The following AADACL4 variants were observed in gnomAD, a reference collection of about 807,000 sequenced individuals.
AADACL4 encodes the protein arylacetamide deacetylase like 4, also known as arylacetamide deacetylase-like 4.
A neutral mutation model predicts 14.1 loss-of-function variants in AADACL4; 9 were observed. The ratio of observed to expected loss-of-function variants is 0.64; its 90% CI spans 0.39 to 1.12. AADACL4 has a LOEUF of 1.12. AADACL4 is among the 50% of genes most tolerant of loss of function. The pLI, the probability that AADACL4 is intolerant of heterozygous loss-of-function variation, is 0.01. For missense variants in AADACL4, 531 were observed against 516.1 expected (o/e 1.03, Z -0.28); for synonymous variants, 188 against 201.6 (o/e 0.93, Z 0.57).
In AADACL4 at chr1:12,644,459, AGGC is replaced by A. The variant is rs879699611; in HGVS notation, c.-85_-83del. 26,871 of 1,441,556 alleles carry A rather than the reference AGGC, an allele frequency of 0.019. 585 individuals are homozygous for A. Among genetic ancestry groups the A allele is most frequent in the South Asian group, 0.075 (5,760 of 76,924 alleles). 89.3% of individuals were successfully genotyped at this position (1,441,556 alleles called of 1,614,324 possible). On this transcript the variant is annotated 5_prime_UTR_variant, in exon 1 of 4. Transcript: ENST00000376221. The stretch of plus-strand genomic sequence containing the variant: ...TAGCCCAGAGAGAGTGAGGTGGAGG[AGGC>A]GGAGGGTGTAACCCAGCCAGGTCCT...
intron 1 of AADACL4, among the ~76,000 whole-genome samples, chr1:12,645,060 C>T (rs1647101845): frequency 6.8e-6 from 1 of 147,942 alleles, no homozygotes; most frequent in Non-Finnish European, 1.5e-5. Flanking sequence ...TTCCCTCCCT[C>T]CCTTCCTTCC....
intron 1 of AADACL4, among the ~76,000 whole-genome samples, chr1:12,645,767 C>T (rs1456961938): frequency 1.3e-5 from 2 of 152,168 alleles, no homozygotes; most frequent in Non-Finnish European, 2.9e-5. Context: ...TGGTCTAGAA[C>T]TCCTGGGCTC....
At position 12,666,608 on chromosome 1, in the gene AADACL4, G is replaced by A. The variant is rs376400654; in HGVS notation, c.1097G>A (p.Arg366His). Residue 366 changes from arginine to histidine, a missense_variant, in exon 4 of 4, where the codon CGC (arginine) becomes CAC (histidine). Transcript: ENST00000376221. ...YKKRLEDQGVRVTWYHLYDGF... is the reference protein window; with the variant it reads ...YKKRLEDQGVHVTWYHLYDGF... ...AAGCGCTTGGAGGACCAGGGGGTCC[G>A]CGTGACATGGTACCACCTGTATGAT... 8.2e-5 allele frequency: 132 copies of A among 1,614,180 alleles called. No individual in the cohort carries two copies. Among genetic ancestry groups the A allele is most frequent in the African/African-American group, 5.9e-4 (44 of 75,036 alleles).
chr1:12,645,808 T>A (rs1343979943), intron 1 of AADACL4, among the ~76,000 whole-genome samples: 1 of 152,212 alleles, frequency 6.6e-6, no homozygotes, highest in Non-Finnish European at 1.5e-5. Flanking sequence ...CCTCCCAAAG[T>A]GTAGGGATTG....
intron 1 of AADACL4, among the ~76,000 whole-genome samples, chr1:12,644,933 C>T (rs1329685241): frequency 2.0e-5 from 3 of 149,128 alleles, no homozygotes; most frequent in Non-Finnish European, 4.5e-5. Context: ...CTTCCTCTCT[C>T]CCTCCCTTCC....
chr1:12,655,308 C>T (rs898654177), intron 2 of AADACL4, among the ~76,000 whole-genome samples: 1 of 152,016 alleles, frequency 6.6e-6, no homozygotes, highest in African/African-American at 2.4e-5. Context: ...GAGTCAATTA[C>T]GAAATTAATA....
chr1:12,663,049 C>A (rs1557552537), intron 3 of AADACL4, among the ~76,000 whole-genome samples: 1 of 152,180 alleles, frequency 6.6e-6, no homozygotes, highest in Non-Finnish European at 1.5e-5. Flanking sequence ...TAGAGTGGCT[C>A]ATGGAGCTGC....
chr1:12,650,457 C>T (rs542429033), intron 1 of AADACL4, among the ~76,000 whole-genome samples: 1 of 152,070 alleles, frequency 6.6e-6, no homozygotes, highest in Non-Finnish European at 1.5e-5. Context: ...TCTTTGCATC[C>T]CAGGCTGGGG....
At chr1:12,654,146 T>C (rs2100762111) in intron 2 of AADACL4, among the ~76,000 whole-genome samples, 1 of 152,258 alleles carries the variant, frequency 6.6e-6, no homozygotes, top group East Asian at 1.9e-4. Flanking sequence ...AACCAATTGG[T>C]GTCTCCCAGT....
chr1:12,653,351 A>G (rs1454394200), intron 2 of AADACL4, among the ~76,000 whole-genome samples: 2 of 152,250 alleles, frequency 1.3e-5, no homozygotes, highest in African/African-American at 2.4e-5. Context: ...GCAAGGACCC[A>G]AGATCAGAAG....
At chr1:12,655,333 G>A (rs896536850) in intron 2 of AADACL4, among the ~76,000 whole-genome samples, 8 of 152,076 alleles carry the variant, frequency 5.3e-5, no homozygotes, top group African/African-American at 1.9e-4. Flanking sequence ...TACCAGCCAT[G>A]TCAAGAGTCA....
chr1:12,651,437 G>A, intron 2 of AADACL4, 98 bp downstream of exon 2: 1 of 1,279,782 alleles, frequency 7.8e-7, no homozygotes, highest in Non-Finnish European at 1.1e-6. Flanking sequence ...GTAGCTTAAA[G>A]GAATCAGTTG....
chr1:12,663,442 T>G (rs2246520), intron 3 of AADACL4, among the ~76,000 whole-genome samples: 1 of 151,966 alleles, frequency 6.6e-6, no homozygotes, highest in African/African-American at 2.4e-5. Context: ...AGCTCTCTAA[T>G]GCCTCCTTCA....
chr1:12,651,352 C>T lies in AADACL4; in HGVS notation c.385+13C>T, dbSNP rs374486525. 5 of 1,613,360 alleles carry T rather than the reference C, an allele frequency of 3.1e-6. No homozygotes were observed. The African/African-American group carries it at 6.7e-5, about 22-fold the overall frequency. ...TTTGGGAGCCTGGGTAAGGGGCTTCCCTGTGGCTTTGTAGAGGAAGGGCCT... is the reference window on the plus strand; with the variant it reads ...TTTGGGAGCCTGGGTAAGGGGCTTCTCTGTGGCTTTGTAGAGGAAGGGCCT... On this transcript the variant is annotated intron_variant, in intron 2 of 3. Coordinates refer to ENST00000376221, the MANE Select transcript of AADACL4 (RefSeq NM_001013630.2).
rs775140951 is a variant in AADACL4 at position 12,666,227 on chromosome 1, A to G, written c.716A>G (p.Gln239Arg). 124 of 1,614,138 alleles carry G rather than the reference A, an allele frequency of 7.7e-5. 1 individual carries two copies. In the South Asian group the frequency reaches 1.4e-3, roughly 18 times the overall value. ...CAGTTGCCATCCTTTCAGCAGAACC[A>G]AAATGTCCCATTACTTTCCCGGAAG... Reference protein sequence around the residue: ...CLQLPSFQQNQNVPLLSRKFM... With the variant: ...CLQLPSFQQNRNVPLLSRKFM... The change falls in exon 4 of 4, where the codon CAA becomes CGA. Residue 239 changes from glutamine (Q) to arginine (R), a missense_variant. Coordinates refer to ENST00000376221, the MANE Select transcript of AADACL4 (RefSeq NM_001013630.2).
At position 12,646,904 on chromosome 1, in the gene AADACL4, G is replaced by T. The variant is rs76937532; in HGVS notation, c.168+2190G>T. On this transcript the variant is annotated intron_variant, in intron 1 of 3. Transcript: ENST00000376221. ...TAGTGAATGTTCATTCGGTTCCAGA[G>T]GACAGATAGACAACACAGGAACAAG... 3.3e-3 allele frequency among the ~76,000 whole-genome samples: 495 copies of T among 152,122 alleles called. 3 individuals are homozygous for T. Among genetic ancestry groups the T allele is most frequent in the African/African-American group, 0.011 (472 of 41,500 alleles).
rs1474740506 is a variant in AADACL4 at position 12,665,944 on chromosome 1, C to G, written c.450-17C>G. On this transcript the variant is annotated splice_polypyrimidine_tract_variant and intron_variant, in intron 3 of 3. Transcript: ENST00000376221. Reference sequence around the variant, plus strand: ...CTGTCCACACTGGTGTAGTGTTGCTCCCTGTTTTCGTTTTAGGTACCGCAA... The same window carrying G: ...CTGTCCACACTGGTGTAGTGTTGCTGCCTGTTTTCGTTTTAGGTACCGCAA... The G allele has an allele frequency of 1.9e-6, 3 of 1,590,886 alleles. No homozygotes were observed. The South Asian group carries it at 3.4e-5, about 18-fold the overall frequency.
At chr1:12,658,002 T>TTC (rs150038118) in intron 2 of AADACL4, among the ~76,000 whole-genome samples, 67 of 150,464 alleles carry the variant, frequency 4.5e-4, no homozygotes, top group East Asian at 1.8e-3. Flanking sequence ...TCTTCTCCCC[T>TTC]TCTCTCTCTC....
In AADACL4 at chr1:12,644,596, T is replaced by C. The variant is rs1327876567; in HGVS notation, c.50T>C (p.Leu17Pro). 2 of 1,614,188 alleles carry C rather than the reference T, an allele frequency of 1.2e-6. No individual in the cohort carries two copies. Among genetic ancestry groups the C allele is most frequent in the East Asian group, 2.2e-5 (1 of 44,882 alleles). ...CTCTTGGCATTGCCCATCTTTTTCC[T>C]GGGGGTCTTTGTCTGGGCTGTCTTT... is the stretch of plus-strand genomic sequence containing the variant. ...VLLLALPIFF[L>P]GVFVWAVFEH... Residue 17 changes from leucine (L) to proline (P), a missense_variant, in exon 1 of 4, where the codon CTG becomes CCG. Physicochemically the swap from Leu to Pro is moderately conservative, Grantham distance 98 (BLOSUM62 -3). Coordinates refer to ENST00000376221, the MANE Select transcript of AADACL4 (RefSeq NM_001013630.2).
Sources: gnomAD v4.1 joint callset for allele counts (sites outside exome capture counted in the v4.1 genomes callset) on GRCh38, gnomAD v4.1.1 for gene constraint, MANE v1.5 for transcripts, NCBI Gene and HGNC (gene_info 2026-07-23, HGNC 2026-07-21) for gene names.